CNTN5: variants seen among roughly 807,000 people sequenced by gnomAD.
The protein encoded by CNTN5 is contactin 5, also known as contactin-5.
A neutral mutation model predicts 129.1 loss-of-function variants in CNTN5; 77 were observed. That is an observed-to-expected ratio of 0.60 (90% CI 0.50 to 0.72). The LOEUF is 0.72. Ranked by LOEUF, CNTN5 falls within the 30% of genes least tolerant of loss-of-function variation. The probability of loss-of-function intolerance (pLI) is 0.00; values close to 1 mark genes in which losing one functional copy is unlikely to be tolerated. For missense variants in CNTN5, 1,478 were observed against 1,328.8 expected, an observed-to-expected ratio of 1.11 and a Z score of -1.75; for synonymous variants, 509 against 465.6, an observed-to-expected ratio of 1.09 and a Z score of -1.20.
chr11:99,627,990 G>T (rs1049300587), intron 3 of CNTN5, among the ~76,000 whole-genome samples: 1 of 149,802 alleles, frequency 6.7e-6, no homozygotes, highest in Non-Finnish European at 1.5e-5. Context: ...ATTCTTATTT[G>T]TGTTGGATTA....
At chr11:99,827,953 A>AT (rs1209755591) in intron 4 of CNTN5, among the ~76,000 whole-genome samples, 4 of 152,074 alleles carry the variant, frequency 2.6e-5, no homozygotes, top group East Asian at 3.9e-4. Flanking sequence ...TACTTTTTAC[A>AT]TTTTTTCTGT....
At chr11:100,198,538 A>G (rs954916790) in intron 15 of CNTN5, among the ~76,000 whole-genome samples, 1 of 151,894 alleles carries the variant, frequency 6.6e-6, no homozygotes, top group Admixed American at 6.6e-5. Context: ...TAGTCAAAGA[A>G]GAAAAAGGAA....
intron 3 of CNTN5, among the ~76,000 whole-genome samples, chr11:99,624,730 A>C (rs981996285): frequency 2.0e-5 from 3 of 152,170 alleles, no homozygotes; most frequent in African/African-American, 7.2e-5. Flanking sequence ...ACGGTTATTA[A>C]GCTCTTGGCA....
chr11:99,929,197 C>T (rs1418737928), intron 7 of CNTN5, among the ~76,000 whole-genome samples: 5 of 152,204 alleles, frequency 3.3e-5, no homozygotes, highest in African/African-American at 9.6e-5. Flanking sequence ...TCACTGTCAG[C>T]ATTTTGGTCA....
chr11:100,351,538 T>C (rs955325030), intron 24 of CNTN5, among the ~76,000 whole-genome samples: 3 of 151,026 alleles, frequency 2.0e-5, no homozygotes, highest in Admixed American at 1.3e-4. Flanking sequence ...CTGCGTATGA[T>C]TGTCTCCAAA....
chr11:99,342,476 C>T (rs926136744), intron 2 of CNTN5, among the ~76,000 whole-genome samples: 2 of 148,386 alleles, frequency 1.3e-5, no homozygotes, highest in Non-Finnish European at 3.0e-5. Flanking sequence ...GACTCATGCC[C>T]GTAATCCCAA....
intron 3 of CNTN5, among the ~76,000 whole-genome samples, chr11:99,751,818 G>A (rs1944246152): frequency 1.3e-5 from 2 of 152,140 alleles, no homozygotes; most frequent in Non-Finnish European, 2.9e-5. Context: ...TTCAAATGTG[G>A]GGTCTTTACA....
chr11:100,099,173 C>T (rs761681289), intron 13 of CNTN5, among the ~76,000 whole-genome samples: 3 of 152,006 alleles, frequency 2.0e-5, no homozygotes, highest in Middle Eastern at 3.2e-3. Context: ...AACATAAAAA[C>T]AGTGAGGCCC....
At chr11:99,971,619 A>G (rs954930225) in intron 8 of CNTN5, among the ~76,000 whole-genome samples, 8 of 151,820 alleles carry the variant, frequency 5.3e-5, no homozygotes, top group African/African-American at 1.9e-4. Flanking sequence ...CTCGATCTCT[A>G]AAGACTATGT....
intron 1 of CNTN5, among the ~76,000 whole-genome samples, chr11:99,157,182 C>G (rs891918765): frequency 1.3e-5 from 2 of 151,842 alleles, no homozygotes; most frequent in Non-Finnish European, 2.9e-5. Flanking sequence ...ATGATCGTTT[C>G]TATTATAAAT....
At chr11:99,846,357 C>CAA (rs35705639) in intron 6 of CNTN5, among the ~76,000 whole-genome samples, 6,079 of 60,808 alleles carry the variant, frequency 0.1, 540 homozygotes, top group East Asian at 0.34. Flanking sequence ...GGATCTGTCT[C>CAA]AAAAAAAAAA....
chr11:99,810,182 A>G (rs1169707192), intron 3 of CNTN5, among the ~76,000 whole-genome samples: 1 of 152,168 alleles, frequency 6.6e-6, no homozygotes, highest in Non-Finnish European at 1.5e-5. Flanking sequence ...TTTAATTTGT[A>G]ACAATGTTCA....
intron 3 of CNTN5, among the ~76,000 whole-genome samples, chr11:99,740,937 T>C (rs1329471647): frequency 1.3e-5 from 2 of 152,192 alleles, no homozygotes; most frequent in African/African-American, 4.8e-5. Flanking sequence ...TCAGCTTAAA[T>C]GCTCTTTATT....
intron 7 of CNTN5, among the ~76,000 whole-genome samples, chr11:99,945,489 C>CATGTGT (rs139517684): frequency 4.0e-5 from 6 of 149,004 alleles, no homozygotes; most frequent in Non-Finnish European, 4.5e-5. Flanking sequence ...AACCTCTGTG[C>CATGTGT]GTGTGTGTGT....
Position 100,191,224 on chromosome 11 carries a change from C to A in CNTN5, c.1679C>A (p.Ala560Asp). 1.2e-6 allele frequency: 2 copies of A among 1,612,532 alleles called. No individual in the cohort carries two copies. The highest frequency in any genetic ancestry group is 1.7e-6 in the Non-Finnish European group (2 of 1,179,070). ...CGAGGGGAAAACGTCTTTGGTTCTGCTGAAATTATAGCTTCGCTATCTGTA... is the reference window on the plus strand; with the variant it reads ...CGAGGGGAAAACGTCTTTGGTTCTGATGAAATTATAGCTTCGCTATCTGTA... ...VCRGENVFGSAEIIASLSVKE... is the reference protein window; with the variant it reads ...VCRGENVFGSDEIIASLSVKE... Residue 560 changes from alanine to aspartate, a missense_variant, in exon 14 of 25, where the codon GCT becomes GAT. Ala to Asp is a moderately radical substitution (Grantham distance 126). Transcript: ENST00000524871.
chr11:99,681,553 T>C (rs1051318053), intron 3 of CNTN5, among the ~76,000 whole-genome samples: 2 of 152,054 alleles, frequency 1.3e-5, no homozygotes, highest in South Asian at 2.1e-4. Context: ...TTAATTAAGG[T>C]ATTTACATTT....
At chr11:99,785,835 G>A (rs1945500860) in intron 3 of CNTN5, among the ~76,000 whole-genome samples, 1 of 152,060 alleles carries the variant, frequency 6.6e-6, no homozygotes, top group South Asian at 2.1e-4. Context: ...AAATAAAGTA[G>A]GTATTGATGG....
chr11:99,640,683 C>T (rs777788719), intron 3 of CNTN5, among the ~76,000 whole-genome samples: 5 of 152,214 alleles, frequency 3.3e-5, no homozygotes, highest in Admixed American at 2.0e-4. Flanking sequence ...AATGCACATG[C>T]TGTCCAGGTC....
intron 8 of CNTN5, among the ~76,000 whole-genome samples, chr11:100,000,632 C>A (rs184647111): frequency 3.9e-5 from 6 of 152,302 alleles, no homozygotes; most frequent in Non-Finnish European, 8.8e-5. Flanking sequence ...GTAAACAATA[C>A]CCCAGTGGGG....
Sources: allele counts gnomAD v4.1 joint callset (sites outside exome capture counted in the v4.1 genomes callset), GRCh38; gene constraint gnomAD v4.1.1; transcripts MANE v1.5; gene names NCBI Gene and HGNC (gene_info 2026-07-23, HGNC 2026-07-21).